Variants in POM121C observed in about 807,000 individuals in gnomAD.
POM121C encodes the protein POM121 transmembrane nucleoporin C, also known as nuclear envelope pore membrane protein POM 121C.
Under a neutral mutation model 66.4 loss-of-function variants are expected in POM121C, and 20 were observed. That is an observed-to-expected ratio of 0.30 (90% CI 0.21 to 0.44). POM121C has a LOEUF of 0.44. Ranked by LOEUF, POM121C falls within the 20% of genes least tolerant of loss-of-function variation. The probability of loss-of-function intolerance (pLI) is 1.00; values close to 1 mark genes in which losing one functional copy is unlikely to be tolerated. For synonymous variants in POM121C, 286 were observed against 528.0 expected (o/e 0.54, Z 6.28); for missense variants, 580 against 1,225.7 (o/e 0.47, Z 7.87).
At chr7:75,440,290 G>A (rs587602346) in intron 5 of POM121C, among the ~76,000 whole-genome samples, 23 of 151,530 alleles carry the variant, frequency 1.5e-4, no homozygotes, top group Non-Finnish European at 2.7e-4. Flanking sequence ...CTGGTGGGCC[G>A]GGCGCCATGG....
chr7:75,434,340 A>G lies in POM121C; in HGVS notation c.480+3175T>C, dbSNP rs587632722. On this transcript the variant is annotated intron_variant, in intron 7 of 14. Coordinates refer to ENST00000615331, the MANE Select transcript of POM121C (RefSeq NM_001099415.3). ...GTCCAGGCTGGAGGGCAGTGGCATG[A>G]GGTCGGCTCACTTGACCTCCGCCTT... Among the ~76,000 whole-genome samples the G allele has an allele frequency of 6.6e-5, 10 of 151,802 alleles. No individual in the cohort carries two copies. In the South Asian group the frequency reaches 2.1e-3, roughly 32 times the overall value.
At chr7:75,477,680 G>C (rs1235705026) in intron 1 of POM121C, among the ~76,000 whole-genome samples, 1 of 151,924 alleles carries the variant, frequency 6.6e-6, no homozygotes, top group African/African-American at 2.4e-5. Flanking sequence ...TGTAATCCCA[G>C]CACTCTGGAA....
intron 7 of POM121C, among the ~76,000 whole-genome samples, chr7:75,431,478 G>A (rs1172532070): frequency 3.3e-5 from 5 of 150,734 alleles, no homozygotes; most frequent in East Asian, 2.0e-4. Flanking sequence ...TGGTGCATGC[G>A]TGTGGTCCCA....
rs1789732430 is a variant in POM121C, at chr7:75,421,968, G to A, written c.2284C>T (p.Pro762Ser). 1 of 1,613,780 alleles carries A rather than the reference G, an allele frequency of 6.2e-7. No individual in the cohort carries two copies. The highest frequency in any genetic ancestry group is 1.7e-5 in the Admixed American group (1 of 60,010). Residue 762 changes from proline to serine, a missense_variant, in exon 13 of 15, where the codon CCC (proline) becomes TCC (serine). By Grantham distance (74) the Pro-to-Ser change is moderately conservative (BLOSUM62 -1). Coordinates refer to ENST00000615331, the MANE Select transcript of POM121C (RefSeq NM_001099415.3). The stretch of plus-strand genomic sequence containing the variant: ...GCACCGCCAAAGGTAGGCTGGATGG[G>A]CGTAGGCACGTGCGCAGGCACGATC... Reference protein sequence around the residue: ...IKIVPAHVPTPIQPTFGGATH... With the variant: ...IKIVPAHVPTSIQPTFGGATH...
At chr7:75,446,757 C>G (rs1280615515) in intron 3 of POM121C, among the ~76,000 whole-genome samples, 81 of 152,192 alleles carry the variant, frequency 5.3e-4, no homozygotes, top group Non-Finnish European at 1.0e-3. Flanking sequence ...CGCCTGTAAT[C>G]CCAGCACTTT....
chr7:75,456,330 C>T (rs1440164294), intron 3 of POM121C, among the ~76,000 whole-genome samples: 49 of 152,294 alleles, frequency 3.2e-4, no homozygotes, highest in African/African-American at 1.1e-3. Context: ...TTACTTGAGG[C>T]TGAGGCTATG....
At chr7:75,482,085 G>A (rs2906944) in intron 1 of POM121C, among the ~76,000 whole-genome samples, 58,201 of 151,324 alleles carry the variant, frequency 0.38, 14,051 homozygotes, top group East Asian at 0.94. Context: ...TTTTACCAAG[G>A]CATACAAGAT....
At chr7:75,431,074 CAAAAAAAAAAA>C (rs34253601) in intron 7 of POM121C, among the ~76,000 whole-genome samples, 2 of 59,716 alleles carry the variant, frequency 3.3e-5, no homozygotes, top group Admixed American at 2.7e-4. Context: ...GACTCTGTCT[CAAAAAAAAAAA>C]AAAAAAAAAA....
intron 3 of POM121C, among the ~76,000 whole-genome samples, chr7:75,466,125 T>TA (rs1198454553): frequency 0.014 from 1,991 of 139,412 alleles, 11 homozygotes; most frequent in African/African-American, 0.019. Context: ...TGCCATCTCT[T>TA]AAAAAAAAAA....
At chr7:75,463,702 C>T (rs1791526262) in intron 3 of POM121C, among the ~76,000 whole-genome samples, 3 of 152,168 alleles carry the variant, frequency 2.0e-5, no homozygotes. Flanking sequence ...TGTCTGATTT[C>T]CTTTTTTGAG....
chr7:75,457,995 T>C (rs1356687273), intron 3 of POM121C, among the ~76,000 whole-genome samples: 1 of 152,304 alleles, frequency 6.6e-6, no homozygotes, highest in Non-Finnish European at 1.5e-5. Flanking sequence ...CCAGTTTTCA[T>C]ATTTTATTTT....
chr7:75,479,681 T>C (rs587693738), intron 1 of POM121C, among the ~76,000 whole-genome samples: 78 of 150,774 alleles, frequency 5.2e-4, no homozygotes, highest in Admixed American at 1.9e-3. Flanking sequence ...ACGTAATAGA[T>C]AGTGTGTGGC....
At chr7:75,433,562 T>C (rs1584662918) in intron 7 of POM121C, among the ~76,000 whole-genome samples, 3 of 152,066 alleles carry the variant, frequency 2.0e-5, no homozygotes, top group African/African-American at 7.2e-5. Context: ...GGTTTCACCA[T>C]GTTAGCCAGG....
intron 5 of POM121C, among the ~76,000 whole-genome samples, chr7:75,440,230 T>G (rs1404438294): frequency 6.6e-6 from 1 of 152,020 alleles, no homozygotes; most frequent in African/African-American, 2.4e-5. Flanking sequence ...AACTCTAGTT[T>G]TCATTTTTCT....
At chr7:75,469,867 T>C (rs1247119463) in intron 3 of POM121C, among the ~76,000 whole-genome samples, 4 of 152,216 alleles carry the variant, frequency 2.6e-5, no homozygotes, top group African/African-American at 7.2e-5. Context: ...CAGTGAGTCC[T>C]TTCTCAACCA....
chr7:75,456,939 G>A (rs1161375590), intron 3 of POM121C, among the ~76,000 whole-genome samples: 1 of 150,794 alleles, frequency 6.6e-6, no homozygotes, highest in African/African-American at 2.4e-5. Flanking sequence ...CTGAGGTCAG[G>A]AGTTTGAGAC....
At chr7:75,430,940 G>C (rs1334597938) in intron 7 of POM121C, among the ~76,000 whole-genome samples, 1 of 151,870 alleles carries the variant, frequency 6.6e-6, no homozygotes, top group Non-Finnish European at 1.5e-5. Flanking sequence ...GCTGGGTGTG[G>C]TGGCAGGTGC....
At chr7:75,485,782 C>G in intron 1 of POM121C, 82 bp downstream of exon 1, 1 of 439,350 alleles carries the variant, frequency 2.3e-6, no homozygotes, top group Non-Finnish European at 4.5e-6. Flanking sequence ...GACCCTCCCT[C>G]TGCCCCACAC....
At chr7:75,432,655 C>T (rs587754750) in intron 7 of POM121C, among the ~76,000 whole-genome samples, 1 of 152,112 alleles carries the variant, frequency 6.6e-6, no homozygotes, top group Non-Finnish European at 1.5e-5. Flanking sequence ...TAAAAAAGGC[C>T]ATCTAAAGAA....
Sources: allele counts gnomAD v4.1 joint callset (sites outside exome capture counted in the v4.1 genomes callset), GRCh38; gene constraint gnomAD v4.1.1; transcripts MANE v1.5; gene names NCBI Gene and HGNC (gene_info 2026-07-23, HGNC 2026-07-21).